The following CFAP47 variants were observed in gnomAD, a reference collection of about 807,000 sequenced individuals.
CFAP47 encodes the protein cilia- and flagella-associated protein 47.
Under a neutral mutation model 148.1 loss-of-function variants are expected in CFAP47, and 29 were observed. That is an observed-to-expected ratio of 0.20 (90% confidence interval 0.15 to 0.27). CFAP47 has a LOEUF of 0.27. CFAP47 is among the 10% of genes least tolerant of loss of function. CFAP47 has a pLI of 1.00. For synonymous variants in CFAP47, 664 were observed against 577.3 expected (o/e 1.15, Z -2.15); for missense variants, 1,872 against 1,697.5 (o/e 1.10, Z -1.81).
At chrX:36,017,992 C>T (rs770353613) in intron 22 of CFAP47, among the ~76,000 whole-genome samples, 3 of 110,700 alleles carry the variant, frequency 2.7e-5, no homozygotes, top group African/African-American at 6.6e-5. Context: ...TCTTCCAAAC[C>T]GAGAACGTGA....
At chrX:36,005,550 T>G (rs144402775) in intron 21 of CFAP47, among the ~76,000 whole-genome samples, 168 of 111,761 alleles carry the variant, frequency 1.5e-3, no homozygotes, top group Non-Finnish European at 2.7e-3. Context: ...CATTAGTTCA[T>G]TTAAATCACT....
chrX:36,304,081 T>G (rs782624359), intron 54 of CFAP47, 121 bp downstream of exon 54: 2 of 396,580 alleles, frequency 5.0e-6, no homozygotes, highest in Non-Finnish European at 8.7e-6. Context: ...TTTCTAAAAT[T>G]TAAGAATTGA....
intron 33 of CFAP47, among the ~76,000 whole-genome samples, chrX:36,118,841 A>G (rs1408598985): frequency 5.4e-5 from 6 of 111,978 alleles, no homozygotes; most frequent in Non-Finnish European, 1.1e-4. Context: ...GCTATTGTAA[A>G]TGATATTACT....
chrX:36,075,491 G>T (rs1319404477), intron 29 of CFAP47, among the ~76,000 whole-genome samples: 3 of 111,953 alleles, frequency 2.7e-5, no homozygotes, highest in Non-Finnish European at 5.6e-5. Flanking sequence ...ATCCCAAAGT[G>T]CTGGGATTAC....
At chrX:36,142,619 A>G (rs1939161436) in intron 35 of CFAP47, among the ~76,000 whole-genome samples, 1 of 111,924 alleles carries the variant, frequency 8.9e-6, no homozygotes, top group Non-Finnish European at 1.9e-5. Context: ...GTTTAAATGT[A>G]TAAGGAAAGG....
chrX:36,263,665 G>C (rs1020898575), intron 49 of CFAP47, among the ~76,000 whole-genome samples: 1 of 111,583 alleles, frequency 9.0e-6, no homozygotes, highest in Non-Finnish European at 1.9e-5. Flanking sequence ...CCTGACCTGG[G>C]ACTCACCCTT....
chrX:36,148,798 G>T (rs1468843707), intron 36 of CFAP47, among the ~76,000 whole-genome samples: 2 of 111,577 alleles, frequency 1.8e-5, no homozygotes, highest in Non-Finnish European at 3.8e-5. Flanking sequence ...AATCCAAGCT[G>T]CAAATGCTGA....
chrX:36,226,967 A>G (rs1326800185), intron 45 of CFAP47, among the ~76,000 whole-genome samples: 1 of 111,558 alleles, frequency 9.0e-6, no homozygotes, highest in Non-Finnish European at 1.9e-5. Flanking sequence ...ATAGAATTCT[A>G]TTTAAATTAC....
At chrX:36,059,748 A>G (rs1423611576) in intron 26 of CFAP47, among the ~76,000 whole-genome samples, 1 of 111,907 alleles carries the variant, frequency 8.9e-6, no homozygotes, top group Non-Finnish European at 1.9e-5. Flanking sequence ...GTTTGCTATG[A>G]TTTGGATATG....
At chrX:36,377,182 C>T (rs1942031903) in intron 62 of CFAP47, among the ~76,000 whole-genome samples, 1 of 111,474 alleles carries the variant, frequency 9.0e-6, no homozygotes, top group Non-Finnish European at 1.9e-5. Context: ...AGTTCTAGAT[C>T]CTTGAGGAAT....
intron 22 of CFAP47, among the ~76,000 whole-genome samples, chrX:36,022,932 C>T (rs1937175771): frequency 8.9e-6 from 1 of 112,127 alleles, no homozygotes; most frequent in African/African-American, 3.2e-5. Flanking sequence ...TCTGTACAGT[C>T]ACATGTTTCT....
chrX:36,097,318 G>C (rs1241536954), intron 30 of CFAP47, among the ~76,000 whole-genome samples: 1 of 110,703 alleles, frequency 9.0e-6, no homozygotes, highest in African/African-American at 3.3e-5. Flanking sequence ...GTTTTTTTGT[G>C]TACTTACTAT....
At chrX:36,270,126 A>G (rs1457896385) in intron 49 of CFAP47, among the ~76,000 whole-genome samples, 2 of 111,816 alleles carry the variant, frequency 1.8e-5, no homozygotes, top group African/African-American at 6.5e-5. Flanking sequence ...TGAACATTCA[A>G]GTATAAGTCT....
intron 45 of CFAP47, among the ~76,000 whole-genome samples, chrX:36,209,475 T>C (rs1004576026): frequency 6.5e-4 from 72 of 111,422 alleles, no homozygotes; most frequent in African/African-American, 2.3e-3. Flanking sequence ...TTAAATCTTA[T>C]AAGATCAAAA....
intron 57 of CFAP47, among the ~76,000 whole-genome samples, chrX:36,321,787 T>G (rs1005484384): frequency 1.8e-5 from 2 of 112,107 alleles, no homozygotes; most frequent in African/African-American, 6.5e-5. Context: ...TGTCAAATAA[T>G]ATTGTTATAT....
intron 50 of CFAP47, among the ~76,000 whole-genome samples, chrX:36,284,932 A>G (rs1252399209): frequency 2.7e-5 from 3 of 111,388 alleles, no homozygotes; most frequent in African/African-American, 9.8e-5. Flanking sequence ...AAACAAAACA[A>G]AACTGAATTT....
intron 39 of CFAP47, among the ~76,000 whole-genome samples, chrX:36,164,498 G>A (rs1939466838): frequency 9.0e-6 from 1 of 111,558 alleles, no homozygotes; most frequent in South Asian, 3.7e-4. Context: ...GTGGTTGTGT[G>A]TATGATATAT....
chrX:36,046,242 AT>A lies in CFAP47; in HGVS notation c.4008-611del, dbSNP rs1222849480. ...AAATATTTATTGGTCACTAAAAATA[AT>A]AAGTAGTAATTCAATTTTAAAGTGA... On this transcript the variant is annotated intron_variant, in intron 25 of 63. Coordinates refer to ENST00000378653, the MANE Select transcript of CFAP47 (RefSeq NM_001304548.2). 4.5e-5 allele frequency among the ~76,000 whole-genome samples: 5 copies of A among 110,574 alleles called. No individual in the cohort carries two copies. The Admixed American group carries it at 4.8e-4, about 11-fold the overall frequency.
At chrX:36,038,957 A>C (rs974340038) in intron 24 of CFAP47, 27 bp from the exon 25 acceptor site, 7 of 793,143 alleles carry the variant, frequency 8.8e-6, no homozygotes, top group Non-Finnish European at 1.2e-5. Flanking sequence ...CTAATTTAAA[A>C]TACCCTTAAA....
Sources: gnomAD v4.1 joint callset for allele counts (sites outside exome capture counted in the v4.1 genomes callset) on GRCh38, gnomAD v4.1.1 for gene constraint, MANE v1.5 for transcripts, NCBI Gene and HGNC (gene_info 2026-07-23, HGNC 2026-07-21) for gene names.